Variants in CDK14 observed in about 807,000 individuals in gnomAD.
CDK14 encodes cyclin dependent kinase 14.
A neutral mutation model predicts 60.7 loss-of-function variants in CDK14; 34 were observed. The ratio of observed to expected loss-of-function variants is 0.56; its 90% CI spans 0.43 to 0.75. The LOEUF (loss-of-function observed/expected upper bound fraction) is 0.75, where lower values mean the gene tolerates loss of function less well. CDK14 is among the 30% of genes least tolerant of loss of function. CDK14 has a pLI of 0.00. For synonymous variants in CDK14, 197 were observed against 203.7 expected (o/e 0.97, Z 0.28); for missense variants, 482 against 564.1 (o/e 0.85, Z 1.47).
At chr7:91,001,933 A>G (rs1584218116) in intron 10 of CDK14, among the ~76,000 whole-genome samples, 1 of 152,246 alleles carries the variant, frequency 6.6e-6, no homozygotes, top group Admixed American at 6.5e-5. Context: ...AATGGAGTTT[A>G]TGACTCAAGG....
intron 2 of CDK14, among the ~76,000 whole-genome samples, chr7:90,659,792 G>T (rs1396827472): frequency 1.3e-5 from 2 of 150,972 alleles, no homozygotes; most frequent in Admixed American, 6.6e-5. Flanking sequence ...GAGCTCAGCA[G>T]TCTGGGGTTT....
intron 10 of CDK14, among the ~76,000 whole-genome samples, chr7:91,007,161 G>A (rs1347061264): frequency 6.6e-6 from 1 of 152,110 alleles, no homozygotes; most frequent in African/African-American, 2.4e-5. Flanking sequence ...AGTGATACAT[G>A]CACCCTCCCA....
intron 5 of CDK14, among the ~76,000 whole-genome samples, chr7:90,809,463 T>G (rs1252889897): frequency 6.6e-6 from 1 of 151,702 alleles, no homozygotes; most frequent in African/African-American, 2.4e-5. Flanking sequence ...CTGGGACACA[T>G]TCAAAGCAGT....
At chr7:91,070,272 G>GC (rs1798102591) in intron 11 of CDK14, among the ~76,000 whole-genome samples, 5 of 22,708 alleles carry the variant, frequency 2.2e-4, no homozygotes, top group South Asian at 3.7e-3. Context: ...GCTGCTGCTG[G>GC]TGGTGGTGGT....
At chr7:90,871,461 A>G (rs1171143772) in intron 6 of CDK14, among the ~76,000 whole-genome samples, 2 of 152,134 alleles carry the variant, frequency 1.3e-5, no homozygotes, top group African/African-American at 2.4e-5. Flanking sequence ...CCAAGAGAGG[A>G]GAGAAAAAGG....
intron 12 of CDK14, among the ~76,000 whole-genome samples, chr7:91,088,352 A>G (rs2116258147): frequency 6.6e-6 from 1 of 152,326 alleles, no homozygotes. Flanking sequence ...GGTTATTTCC[A>G]TCATGGCAGT....
intron 4 of CDK14, among the ~76,000 whole-genome samples, chr7:90,781,043 C>T (rs10259804): frequency 0.64 from 96,918 of 151,404 alleles, 31,478 homozygotes; most frequent in East Asian, 0.96. Context: ...TTCCTATTTC[C>T]CCACATCCTC....
At chr7:90,912,683 C>T (rs567881548) in intron 7 of CDK14, among the ~76,000 whole-genome samples, 1 of 152,288 alleles carries the variant, frequency 6.6e-6, no homozygotes, top group African/African-American at 2.4e-5. Flanking sequence ...TCTCAGTTCA[C>T]TGCAATCTCC....
chr7:90,822,362 T>A (rs1360415526), intron 5 of CDK14, among the ~76,000 whole-genome samples: 4 of 152,204 alleles, frequency 2.6e-5, no homozygotes, highest in Non-Finnish European at 5.9e-5. Flanking sequence ...GTGTACGGGT[T>A]TGGGTGGCTC....
intron 2 of CDK14, among the ~76,000 whole-genome samples, chr7:90,637,749 A>AG (rs1800189684): frequency 8.7e-6 from 1 of 114,346 alleles, no homozygotes; most frequent in African/African-American, 3.6e-5. Context: ...AAAGTCTCCC[A>AG]TTATTATTGT....
chr7:90,635,617 G>A (rs1367733329), intron 2 of CDK14, among the ~76,000 whole-genome samples: 1 of 152,100 alleles, frequency 6.6e-6, no homozygotes, highest in South Asian at 2.1e-4. Flanking sequence ...GGCAATGCGG[G>A]CTCTTTTTTG....
intron 2 of CDK14, among the ~76,000 whole-genome samples, chr7:90,659,755 G>T (rs1442122257): frequency 3.0e-4 from 46 of 152,078 alleles, no homozygotes; most frequent in Admixed American, 3.0e-3. Flanking sequence ...ACAAAGGGCG[G>T]TGGGAAAGTT....
chr7:91,091,388 T>C (rs1419544660), intron 12 of CDK14, among the ~76,000 whole-genome samples: 1 of 144,334 alleles, frequency 6.9e-6, no homozygotes, highest in Non-Finnish European at 1.5e-5. Flanking sequence ...ATAATTTATA[T>C]ACACATATGT....
chr7:91,103,844 A>AG (rs1562905796), intron 12 of CDK14, among the ~76,000 whole-genome samples: 2,151 of 144,734 alleles, frequency 0.015, 23 homozygotes, highest in East Asian at 0.022. Flanking sequence ...GAGAGAGAGA[A>AG]AGAGAGAGAG....
intron 11 of CDK14, among the ~76,000 whole-genome samples, chr7:91,078,763 CAAA>C (rs1360632669): frequency 6.6e-6 from 1 of 151,844 alleles, no homozygotes; most frequent in African/African-American, 2.4e-5. Flanking sequence ...ATTTCATAAA[CAAA>C]AAAATATGTG....
chr7:91,073,025 A>G (rs1440764169), intron 11 of CDK14, among the ~76,000 whole-genome samples: 2 of 152,210 alleles, frequency 1.3e-5, no homozygotes, highest in African/African-American at 2.4e-5. Flanking sequence ...CTATGTAAAA[A>G]GACAGAACCT....
intron 11 of CDK14, among the ~76,000 whole-genome samples, chr7:91,058,914 C>G (rs148702060): frequency 0.016 from 2,464 of 152,256 alleles, 27 homozygotes; most frequent in Non-Finnish European, 0.021. Context: ...TGATGCTGGC[C>G]TCATAAAATG....
chr7:91,183,584 T>TA (rs1802072889), intron 14 of CDK14, among the ~76,000 whole-genome samples: 1 of 152,222 alleles, frequency 6.6e-6, no homozygotes, highest in Admixed American at 6.5e-5. Context: ...AACAAACACT[T>TA]ACTGAATGCT....
chr7:90,640,110 C>T (rs942952632), intron 2 of CDK14, among the ~76,000 whole-genome samples: 7 of 152,116 alleles, frequency 4.6e-5, no homozygotes, highest in South Asian at 2.1e-4. Flanking sequence ...AGCTGGCGCA[C>T]GGTGCGCTGC....
Sources: allele counts gnomAD v4.1 joint callset (sites outside exome capture counted in the v4.1 genomes callset), GRCh38; gene constraint gnomAD v4.1.1; transcripts MANE v1.5; gene names NCBI Gene and HGNC (gene_info 2026-07-23, HGNC 2026-07-21).